Variants in CTNNA3 observed in about 807,000 individuals in gnomAD.
CTNNA3 encodes catenin alpha 3, also known as catenin alpha-3.
Under a neutral mutation model 95.7 loss-of-function variants are expected in CTNNA3, and 76 were observed. The observed-to-expected ratio is 0.79, with a 90% CI of 0.66 to 0.96. The LOEUF (loss-of-function observed/expected upper bound fraction) is 0.96, where lower values mean the gene tolerates loss of function less well. Among genes scored for constraint, CTNNA3 ranks in the 40% least tolerant of loss-of-function variants. CTNNA3 has a pLI of 0.00. For synonymous variants in CTNNA3, 431 were observed against 374.4 expected (o/e 1.15, Z -1.74); for missense variants, 1,191 against 1,089.8 (o/e 1.09, Z -1.31).
At position 66,527,924 on chromosome 10, in the gene CTNNA3, AT is replaced by A. The variant is rs749301504; in HGVS notation, c.1375-7152del. Reference sequence around the variant, plus strand: ...TCTCAATTTGGATACCACCAAAAAAATATATAAGTTTTTTTATTCGTTTAAA... The same window carrying A: ...TCTCAATTTGGATACCACCAAAAAAAATATAAGTTTTTTTATTCGTTTAAA... On this transcript the variant is annotated intron_variant, in intron 10 of 17. Transcript: ENST00000433211. 3.0e-4 allele frequency among the ~76,000 whole-genome samples: 43 copies of A among 145,010 alleles called. 1 individual carries two copies. In the South Asian group the frequency reaches 3.2e-3, roughly 11 times the overall value.
intron 2 of CTNNA3, among the ~76,000 whole-genome samples, chr10:67,626,809 A>G (rs1165569658): frequency 6.6e-6 from 1 of 152,160 alleles, no homozygotes; most frequent in Non-Finnish European, 1.5e-5. Context: ...ATGTGTTTGC[A>G]TATTATCTAC....
At chr10:67,160,433 CTT>C (rs71006132) in intron 7 of CTNNA3, among the ~76,000 whole-genome samples, 1,480 of 92,802 alleles carry the variant, frequency 0.016, 14 homozygotes, top group African/African-American at 0.056. Flanking sequence ...TTCATCACAT[CTT>C]TTTTTTTTTT....
intron 5 of CTNNA3, among the ~76,000 whole-genome samples, chr10:67,479,175 C>T (rs1237906779): frequency 6.6e-6 from 1 of 152,108 alleles, no homozygotes; most frequent in Non-Finnish European, 1.5e-5. Context: ...ATCGCACTGA[C>T]AAAATTAGGC....
intron 11 of CTNNA3, among the ~76,000 whole-genome samples, chr10:66,447,565 G>A (rs138200717): frequency 0.12 from 17,686 of 151,804 alleles, 1,482 homozygotes; most frequent in African/African-American, 0.24. Context: ...AAAAAAACAA[G>A]CAATGGGGAA....
intron 12 of CTNNA3, among the ~76,000 whole-genome samples, chr10:66,373,468 T>C (rs1319472479): frequency 6.6e-6 from 1 of 152,120 alleles, no homozygotes; most frequent in Non-Finnish European, 1.5e-5. Flanking sequence ...CATGAGATCT[T>C]ACTCTTCTTT....
rs1373303407 is a variant in CTNNA3, at chr10:67,419,904, T to C, written c.579+101938A>G. Among the ~76,000 whole-genome samples the C allele has an allele frequency of 1.1e-4, 16 of 151,970 alleles. No homozygotes were observed. In the South Asian group the frequency reaches 2.9e-3, roughly 28 times the overall value. ...TCTCGCTCTGTCGCCCAGGCTGGAG[T>C]GCAGTGGCACGATCTTGGCTCACTG... On this transcript the variant is annotated intron_variant, in intron 5 of 17. Transcript: ENST00000433211.
At chr10:66,309,903 CAAAAAATAAATAAATA>C (rs1408422284) in intron 12 of CTNNA3, among the ~76,000 whole-genome samples, 84 of 120,666 alleles carry the variant, frequency 7.0e-4, no homozygotes, top group African/African-American at 2.5e-3. Context: ...ACCAAAGATA[CAAAAAATAAATAAATA>C]AATAAATAAA....
chr10:67,724,295 G>A lies in CTNNA3; in HGVS notation c.-2+39139C>T, dbSNP rs561313628. On this transcript the variant is annotated intron_variant, in intron 1 of 17. Coordinates refer to the CTNNA3 transcript ENST00000684154. ...TACTGTTGAACTGGATCATTCACAA[G>A]CTAGATGGAAATGAGGGTCTATTTT... Among the ~76,000 whole-genome samples the A allele has an allele frequency of 2.3e-3, 357 of 152,136 alleles. 11 individuals are homozygous for A. Among genetic ancestry groups the A allele is most frequent in the Non-Finnish European group, 6.9e-4 (47 of 68,038 alleles).
intron 7 of CTNNA3, among the ~76,000 whole-genome samples, chr10:67,126,302 G>T (rs1325952811): frequency 6.6e-6 from 1 of 152,206 alleles, no homozygotes; most frequent in Non-Finnish European, 1.5e-5. Context: ...GCCAAGGTGG[G>T]TGGATCATGA....
At chr10:65,930,519 A>G (rs1235780096) in intron 17 of CTNNA3, among the ~76,000 whole-genome samples, 2 of 152,194 alleles carry the variant, frequency 1.3e-5, no homozygotes, top group African/African-American at 4.8e-5. Flanking sequence ...TTCTGAGAGT[A>G]AAAGTAACCA....
At chr10:67,717,726 T>C (rs1243503273) in intron 1 of CTNNA3, among the ~76,000 whole-genome samples, 1 of 152,178 alleles carries the variant, frequency 6.6e-6, no homozygotes, top group Non-Finnish European at 1.5e-5. Context: ...TGTAGCCTTG[T>C]AGTATAGTTT....
chr10:66,145,117 A>T (rs574739183), intron 13 of CTNNA3, among the ~76,000 whole-genome samples: 1 of 152,300 alleles, frequency 6.6e-6, no homozygotes, highest in African/African-American at 2.4e-5. Context: ...TCATTCATAA[A>T]GGAGACCCTA....
intron 5 of CTNNA3, among the ~76,000 whole-genome samples, chr10:67,377,367 A>T (rs767684524): frequency 3.9e-5 from 6 of 152,214 alleles, no homozygotes; most frequent in Non-Finnish European, 7.4e-5. Context: ...AGTTAAGAGT[A>T]GGGACTAGTT....
intron 9 of CTNNA3, among the ~76,000 whole-genome samples, chr10:66,731,286 T>G (rs1488635432): frequency 6.6e-6 from 1 of 152,226 alleles, no homozygotes; most frequent in Non-Finnish European, 1.5e-5. Context: ...CTGGAGGTGC[T>G]CTTTTAATTA....
intron 1 of CTNNA3, among the ~76,000 whole-genome samples, chr10:67,702,382 C>T (rs1291584303): frequency 6.6e-6 from 1 of 152,130 alleles, no homozygotes; most frequent in Non-Finnish European, 1.5e-5. Context: ...GGAAGTAAAG[C>T]TCTCCTCAGC....
At chr10:67,716,633 C>G (rs1841145210) in intron 1 of CTNNA3, among the ~76,000 whole-genome samples, 1 of 152,142 alleles carries the variant, frequency 6.6e-6, no homozygotes, top group Non-Finnish European at 1.5e-5. Flanking sequence ...CATCCATGTA[C>G]CTGCAAAAAA....
intron 5 of CTNNA3, among the ~76,000 whole-genome samples, chr10:67,401,041 A>T (rs1435153628): frequency 2.0e-5 from 3 of 152,224 alleles, no homozygotes; most frequent in Admixed American, 2.0e-4. Context: ...AAAGTAAACA[A>T]AAACAAAACA....
At chr10:67,408,304 C>CT (rs1218676103) in intron 5 of CTNNA3, among the ~76,000 whole-genome samples, 4 of 152,092 alleles carry the variant, frequency 2.6e-5, no homozygotes, top group African/African-American at 9.7e-5. Context: ...AAGAACAAAG[C>CT]TAGAGGTACC....
intron 14 of CTNNA3, chr10:66,079,353 G>C (rs1398469602): frequency 2.7e-4 from 41 of 151,884 alleles, no homozygotes. Context: ...ACCAATTCTA[G>C]TGACTTTTAA....
Sources: allele counts gnomAD v4.1 joint callset (sites outside exome capture counted in the v4.1 genomes callset), GRCh38; gene constraint gnomAD v4.1.1; transcripts MANE v1.5; gene names NCBI Gene and HGNC (gene_info 2026-07-23, HGNC 2026-07-21).